The following VMP1 variants were observed in gnomAD, a reference collection of about 807,000 sequenced individuals.
VMP1 encodes vacuole membrane protein 1, also known as ectopic P-granules autophagy protein 3 homolog.
A neutral mutation model predicts 56.0 loss-of-function variants in VMP1; 11 were observed. The ratio of observed to expected loss-of-function variants is 0.20; its 90% CI spans 0.12 to 0.32. VMP1 has a LOEUF of 0.32. Ranked by LOEUF, VMP1 falls within the 10% of genes least tolerant of loss-of-function variation. The pLI is 1.00. For synonymous variants in VMP1, 149 were observed against 165.0 expected, an observed-to-expected ratio of 0.90 and a Z score of 0.74; for missense variants, 296 against 490.3, an observed-to-expected ratio of 0.60 and a Z score of 3.74.
In VMP1 at chr17:59,731,303, C is replaced by T. The variant is rs912739494; in HGVS notation, c.-26-118C>T. Reference sequence around the variant, plus strand: ...TTATAAAAGAAAAAAAGTGTAAACACATCATACATATCATGTGGCTTATTA... The same window carrying T: ...TTATAAAAGAAAAAAAGTGTAAACATATCATACATATCATGTGGCTTATTA... On this transcript the variant is annotated intron_variant, in intron 1 of 11. Transcript: ENST00000262291. 1.6e-5 allele frequency: 9 copies of T among 553,604 alleles called. 1 individual carries two copies. The highest frequency in any genetic ancestry group is 8.3e-5 in the Admixed American group (2 of 23,964). The allele number at this position is 553,604 out of a possible 1,614,324, so 34.3% of individuals were successfully genotyped here. A position where few individuals can be genotyped will look rare whatever the true frequency, so the allele number is the denominator to read the frequency against.
At chr17:59,815,037 G>A (rs187838909) in intron 9 of VMP1, among the ~76,000 whole-genome samples, 1 of 152,094 alleles carries the variant, frequency 6.6e-6, no homozygotes, top group South Asian at 2.1e-4. Context: ...CTGTCTCCTT[G>A]TCTGCTTTTC....
chr17:59,736,394 C>T (rs1334330424), intron 3 of VMP1, among the ~76,000 whole-genome samples: 1 of 98,648 alleles, frequency 1.0e-5, no homozygotes, highest in Non-Finnish European at 2.0e-5. Flanking sequence ...CAGAACGATA[C>T]TCTGTCTCAA....
At chr17:59,762,051 T>G (rs1306971355) in intron 5 of VMP1, among the ~76,000 whole-genome samples, 1 of 152,192 alleles carries the variant, frequency 6.6e-6, no homozygotes, top group Non-Finnish European at 1.5e-5. Context: ...TTATCCCTTC[T>G]CTTAGTAATC....
chr17:59,751,618 C>A (rs1304245631), intron 5 of VMP1, among the ~76,000 whole-genome samples: 2 of 145,276 alleles, frequency 1.4e-5, no homozygotes, highest in Non-Finnish European at 3.0e-5. Flanking sequence ...GGGGGGGGCG[C>A]CTGTAATCCC....
chr17:59,805,108 A>G (rs2037802773), intron 7 of VMP1, among the ~76,000 whole-genome samples: 1 of 152,218 alleles, frequency 6.6e-6, no homozygotes, highest in African/African-American at 2.4e-5. Flanking sequence ...GCCAGCTTCA[A>G]ATTTAAAAAT....
chr17:59,813,713 G>T (rs567120392), intron 9 of VMP1, among the ~76,000 whole-genome samples: 57 of 152,014 alleles, frequency 3.7e-4, no homozygotes, highest in African/African-American at 1.3e-3. Context: ...CTGTCATTTA[G>T]CTTCTTGCAG....
At chr17:59,814,016 T>C (rs2038142990) in intron 9 of VMP1, among the ~76,000 whole-genome samples, 1 of 152,148 alleles carries the variant, frequency 6.6e-6, no homozygotes, top group Admixed American at 6.6e-5. Context: ...AGTCTCTCTC[T>C]GTCACCCAGG....
intron 2 of VMP1, among the ~76,000 whole-genome samples, chr17:59,734,567 C>A (rs2143816789): frequency 6.6e-6 from 1 of 152,072 alleles, no homozygotes; most frequent in Non-Finnish European, 1.5e-5. Flanking sequence ...ACTGTGTCTC[C>A]ACAAAAACCA....
At chr17:59,714,046 G>GAAAA (rs771155795) in intron 1 of VMP1, among the ~76,000 whole-genome samples, 34 of 61,688 alleles carry the variant, frequency 5.5e-4, no homozygotes, top group Non-Finnish European at 6.0e-4. Flanking sequence ...GTCTTAAAAG[G>GAAAA]AAAAAAAAAA....
chr17:59,780,727 T>C (rs1033715902), intron 7 of VMP1, among the ~76,000 whole-genome samples: 2 of 152,006 alleles, frequency 1.3e-5, no homozygotes, highest in African/African-American at 4.8e-5. Flanking sequence ...GCTGGGATTA[T>C]AGGCGTCCAC....
chr17:59,713,645 C>T (rs1308724308), intron 1 of VMP1, among the ~76,000 whole-genome samples: 5 of 146,242 alleles, frequency 3.4e-5, no homozygotes, highest in Admixed American at 6.8e-5. Flanking sequence ...TCCAGGAGTT[C>T]GAGACCAGCC....
At position 59,715,255 on chromosome 17, in the gene VMP1, G is replaced by A. The variant is rs181570626; in HGVS notation, c.-27+7507G>A. On this transcript the variant is annotated intron_variant, in intron 1 of 11. Transcript: ENST00000262291. Reference sequence around the variant, plus strand: ...GGATTTATTAGTGTGTTTTCACACTGCTATAAAGGTACTACCTGAGACTGG... The same window carrying A: ...GGATTTATTAGTGTGTTTTCACACTACTATAAAGGTACTACCTGAGACTGG... Among the ~76,000 whole-genome samples the A allele has an allele frequency of 2.4e-4, 36 of 152,290 alleles. No individual in the cohort carries two copies. In the East Asian group the frequency reaches 6.2e-3, roughly 26 times the overall value.
At chr17:59,756,226 C>G (rs2035838346) in intron 5 of VMP1, among the ~76,000 whole-genome samples, 2 of 152,190 alleles carry the variant, frequency 1.3e-5, no homozygotes, top group Admixed American at 1.3e-4. Flanking sequence ...TAAAAAAATT[C>G]TGAAGAGAAT....
At chr17:59,744,468 A>G (rs941232974) in intron 5 of VMP1, among the ~76,000 whole-genome samples, 19 of 150,540 alleles carry the variant, frequency 1.3e-4, no homozygotes, top group Middle Eastern at 3.4e-3. Context: ...ATCTCAAAAA[A>G]AAAAAAAAAA....
At chr17:59,832,513 G>A (rs1355743978) in intron 10 of VMP1, among the ~76,000 whole-genome samples, 1 of 151,972 alleles carries the variant, frequency 6.6e-6, no homozygotes, top group Admixed American at 6.6e-5. Context: ...TGAAAAAATA[G>A]TTCTATGTCC....
intron 1 of VMP1, among the ~76,000 whole-genome samples, chr17:59,731,163 C>G (rs192886159): frequency 1.2e-3 from 184 of 152,144 alleles, no homozygotes; most frequent in African/African-American, 4.3e-3. Flanking sequence ...TGGAAGATCC[C>G]TGAAATAACT....
At chr17:59,772,453 G>A (rs1041613688) in intron 6 of VMP1, among the ~76,000 whole-genome samples, 1 of 151,896 alleles carries the variant, frequency 6.6e-6, no homozygotes, top group Non-Finnish European at 1.5e-5. Context: ...AAACTGAAAT[G>A]CTTAACATTG....
In VMP1 at chr17:59,811,799, C is replaced by T; in HGVS notation, c.912+13C>T. ...AATGCATATCCAGGTAATTATACCC[C>T]CTGATTCACTGCCTAATGATGATGA... On this transcript the variant is annotated intron_variant, in intron 9 of 11. Coordinates refer to ENST00000262291, the MANE Select transcript of VMP1 (RefSeq NM_030938.5). 1 of 1,507,954 alleles carries T rather than the reference C, an allele frequency of 6.6e-7. No individual in the cohort carries two copies. The highest frequency in any genetic ancestry group is 9.2e-7 in the Non-Finnish European group (1 of 1,083,766). The allele number at this position is 1,507,954 out of a possible 1,614,324, so 93.4% of individuals were successfully genotyped here. A position where few individuals can be genotyped will look rare whatever the true frequency, so the allele number is the denominator to read the frequency against.
intron 10 of VMP1, among the ~76,000 whole-genome samples, chr17:59,818,290 C>T (rs1295366129): frequency 6.6e-6 from 1 of 152,078 alleles, no homozygotes; most frequent in Non-Finnish European, 1.5e-5. Context: ...TCGCTTGAAC[C>T]TGGGAGGCAG....
Sources: gnomAD v4.1 joint callset for allele counts (sites outside exome capture counted in the v4.1 genomes callset) on GRCh38, gnomAD v4.1.1 for gene constraint, MANE v1.5 for transcripts, NCBI Gene and HGNC (gene_info 2026-07-23, HGNC 2026-07-21) for gene names.